MOSPD1: variants seen among roughly 807,000 people sequenced by gnomAD.
The protein encoded by MOSPD1 is motile sperm domain-containing protein 1.
MOSPD1 carries 5 observed loss-of-function variants against 16.7 expected under a neutral mutation model. The ratio of observed to expected loss-of-function variants is 0.30; its 90% CI spans 0.16 to 0.63. MOSPD1 has a LOEUF of 0.63. MOSPD1 is among the 30% of genes least tolerant of loss of function. The probability of loss-of-function intolerance (pLI) is 0.82; values close to 1 mark genes in which losing one functional copy is unlikely to be tolerated. For missense variants in MOSPD1, 104 were observed against 153.6 expected (o/e 0.68, Z 1.71); for synonymous variants, 67 against 59.2 (o/e 1.13, Z -0.61).
chrX:134,913,443 G>C (rs1326793440), intron 1 of MOSPD1, among the ~76,000 whole-genome samples: 1 of 111,633 alleles, frequency 9.0e-6, no homozygotes, highest in Non-Finnish European at 1.9e-5. Context: ...TTTAAAAACA[G>C]AAAAAGAATA....
At chrX:134,897,123 T>C (rs1285159749) in intron 3 of MOSPD1, 89 bp from the exon 4 acceptor site, 1 of 592,604 alleles carries the variant, frequency 1.7e-6, no homozygotes, top group African/African-American at 2.3e-5. Context: ...TATTAAACAA[T>C]ATTAACTGAC....
intron 1 of MOSPD1, among the ~76,000 whole-genome samples, chrX:134,911,845 C>G (rs754205730): frequency 3.7e-4 from 42 of 112,167 alleles, no homozygotes; most frequent in Non-Finnish European, 7.7e-4. Flanking sequence ...ATAACGTGGT[C>G]TGCCTAATCC....
intron 1 of MOSPD1, among the ~76,000 whole-genome samples, chrX:134,904,971 T>C (rs2082933785): frequency 9.0e-6 from 1 of 111,478 alleles, no homozygotes; most frequent in African/African-American, 3.3e-5. Flanking sequence ...AAGAGGAGAC[T>C]GTGTAGTTGG....
intron 1 of MOSPD1, among the ~76,000 whole-genome samples, chrX:134,905,022 G>A (rs916693499): frequency 5.4e-5 from 6 of 111,005 alleles, no homozygotes; most frequent in Non-Finnish European, 9.4e-5. Flanking sequence ...AGTGAGAAAC[G>A]CAAGGAGCGG....
intron 4 of MOSPD1, among the ~76,000 whole-genome samples, chrX:134,893,157 G>A (rs1393839832): frequency 9.0e-6 from 1 of 111,507 alleles, no homozygotes; most frequent in African/African-American, 3.3e-5. Flanking sequence ...CTGTTGTGTG[G>A]AGTTTAACTG....
intron 4 of MOSPD1, among the ~76,000 whole-genome samples, chrX:134,893,438 T>C (rs2082871639): frequency 8.9e-6 from 1 of 112,440 alleles, no homozygotes; most frequent in Non-Finnish European, 1.9e-5. Flanking sequence ...TTGGAATTTT[T>C]AGTATTCGAA....
chrX:134,897,077 G>A (rs2082888708), intron 3 of MOSPD1, 43 bp from the exon 4 acceptor site: 2 of 962,424 alleles, frequency 2.1e-6, no homozygotes, highest in Non-Finnish European at 2.9e-6. Flanking sequence ...GATTTCTGGG[G>A]GCCGGCCAAA....
At chrX:134,910,481 A>T (rs1006002762) in intron 1 of MOSPD1, among the ~76,000 whole-genome samples, 5 of 112,039 alleles carry the variant, frequency 4.5e-5, no homozygotes, top group Non-Finnish European at 3.8e-5. Context: ...GTGCTAGGGA[A>T]TATGGAGACA....
chrX:134,907,462 C>G (rs1000263652), intron 1 of MOSPD1, among the ~76,000 whole-genome samples: 8 of 112,310 alleles, frequency 7.1e-5, no homozygotes, highest in Non-Finnish European at 1.1e-4. Context: ...GATGATGAAA[C>G]AGCTATAGTT....
At chrX:134,897,385 C>A (rs12392324) in intron 3 of MOSPD1, among the ~76,000 whole-genome samples, 11,554 of 107,191 alleles carry the variant, frequency 0.11, 1,570 homozygotes, top group African/African-American at 0.37. Flanking sequence ...ACACAGAGAC[C>A]CCGTCTCTAC....
chrX:134,903,576 G>A (rs2082924917), intron 1 of MOSPD1, among the ~76,000 whole-genome samples: 1 of 108,396 alleles, frequency 9.2e-6, no homozygotes, highest in Non-Finnish European at 1.9e-5. Context: ...GCCAGGCGTG[G>A]TGGCGTGTGC....
intron 4 of MOSPD1, among the ~76,000 whole-genome samples, chrX:134,893,188 G>C (rs1445113249): frequency 9.0e-6 from 1 of 111,529 alleles, no homozygotes; most frequent in Non-Finnish European, 1.9e-5. Context: ...GAGCCAGAGA[G>C]GTGAAAACAA....
chrX:134,903,261 C>T (rs901962261), intron 1 of MOSPD1, among the ~76,000 whole-genome samples: 1 of 110,409 alleles, frequency 9.1e-6, no homozygotes, highest in Non-Finnish European at 1.9e-5. Context: ...AGGGAAAATT[C>T]TAAACAGATA....
At chrX:134,910,304 C>T (rs2082964399) in intron 1 of MOSPD1, among the ~76,000 whole-genome samples, 1 of 110,478 alleles carries the variant, frequency 9.1e-6, no homozygotes, top group Non-Finnish European at 1.9e-5. Flanking sequence ...ACTTGGGAGG[C>T]TGAGGCAAGA....
intron 1 of MOSPD1, among the ~76,000 whole-genome samples, chrX:134,910,273 C>T (rs181147869): frequency 6.3e-5 from 7 of 110,745 alleles, no homozygotes; most frequent in East Asian, 5.7e-4. Context: ...GGCATGGTGG[C>T]GGGCGCCTGT....
At position 134,899,554 on chromosome X, in the gene MOSPD1, G is replaced by T; in HGVS notation, c.-101-20C>A. The T allele has an allele frequency of 1.4e-6, 1 of 716,460 alleles. No homozygotes were observed. The highest frequency in any genetic ancestry group is 2.0e-6 in the Non-Finnish European group (1 of 503,899). 59.0% of individuals were successfully genotyped at this position (716,460 alleles called of 1,213,427 possible). On this transcript the variant is annotated intron_variant, in intron 1 of 5. Transcript: ENST00000370783. Reference sequence around the variant, plus strand: ...GGCAATCTAGAAATAGAAGGAGAAAGCGAGAAGAAAAGTGAATGATCCCAA... The same window carrying T: ...GGCAATCTAGAAATAGAAGGAGAAATCGAGAAGAAAAGTGAATGATCCCAA...
chrX:134,902,710 C>T (rs1469811693), intron 1 of MOSPD1, among the ~76,000 whole-genome samples: 4 of 109,595 alleles, frequency 3.6e-5, no homozygotes, highest in Admixed American at 3.0e-4. Flanking sequence ...GGAGGATCAT[C>T]TGAGTCCAGG....
At chrX:134,895,156 G>T (rs1037547684) in intron 4 of MOSPD1, among the ~76,000 whole-genome samples, 10 of 110,066 alleles carry the variant, frequency 9.1e-5, no homozygotes, top group African/African-American at 3.3e-4. Context: ...TAGGTAAGAC[G>T]AGCCTGGGCA....
intron 3 of MOSPD1, among the ~76,000 whole-genome samples, chrX:134,898,255 A>C (rs1464210311): frequency 8.9e-6 from 1 of 112,072 alleles, no homozygotes; most frequent in Non-Finnish European, 1.9e-5. Flanking sequence ...CAAAACAATT[A>C]GGTCAAAGTA....
Sources: gnomAD v4.1 joint callset for allele counts (sites outside exome capture counted in the v4.1 genomes callset) on GRCh38, gnomAD v4.1.1 for gene constraint, MANE v1.5 for transcripts, NCBI Gene and HGNC (gene_info 2026-07-23, HGNC 2026-07-21) for gene names.